TRPM1: variants seen among roughly 807,000 people sequenced by gnomAD.
TRPM1 encodes the protein transient receptor potential cation channel subfamily M member 1.
In TRPM1, 113 loss-of-function variants were observed where a neutral mutation model predicts 149.4. That is an observed-to-expected ratio of 0.76 (90% CI 0.65 to 0.88). The LOEUF is 0.88. Ranked by LOEUF, TRPM1 falls within the 40% of genes least tolerant of loss-of-function variation. TRPM1 has a pLI of 0.00. For synonymous variants in TRPM1, 741 were observed against 759.5 expected (o/e 0.98, Z 0.40); for missense variants, 1,976 against 2,038.7 (o/e 0.97, Z 0.59).
At chr15:31,035,394 C>T (rs1229460465) in intron 21 of TRPM1, 152 bp downstream of exon 21, 4 of 1,129,914 alleles carry the variant, frequency 3.5e-6, no homozygotes, top group Admixed American at 3.6e-5. Context: ...GATCCATCCG[C>T]CTCAGCCTCC....
chr15:31,138,527 G>T, intron 1 of TRPM1, among the ~76,000 whole-genome samples: 1 of 151,156 alleles, frequency 6.6e-6, no homozygotes, highest in East Asian at 1.9e-4. Flanking sequence ...GCTGTGTCGC[G>T]AAGTCAGTTG....
chr15:31,113,352 G>C (rs7173825), intron 1 of TRPM1, among the ~76,000 whole-genome samples: 8,923 of 152,000 alleles, frequency 0.059, 454 homozygotes, highest in African/African-American at 0.12. Context: ...AAAGAGCCAG[G>C]GCCACCATGG....
In TRPM1 at chr15:31,035,643, T is replaced by G. The variant is rs547473643; in HGVS notation, c.2603A>C (p.Asn868Thr). Residue 868 changes from asparagine to threonine, a missense_variant, in exon 21 of 28, where the codon AAC becomes ACC. By Grantham distance (65) the Asn-to-Thr change is moderately conservative. Coordinates refer to ENST00000256552, the MANE Select transcript of TRPM1 (RefSeq NM_001252024.2). ...ISYLGYLLLF[N>T]YVILVRMDGW... ...ATCCATCCGCACCAGGATGACGTAGTTAAACAGCAGCAGGTAGCCCAAGTA... is the reference window on the plus strand; with the variant it reads ...ATCCATCCGCACCAGGATGACGTAGGTAAACAGCAGCAGGTAGCCCAAGTA... 83 of 1,614,202 alleles carry G rather than the reference T, an allele frequency of 5.1e-5. No individual in the cohort carries two copies. The South Asian group carries it at 8.9e-4, about 17-fold the overall frequency.
At chr15:31,009,544 A>G (rs2113946) in intron 27 of TRPM1, among the ~76,000 whole-genome samples, 82,972 of 151,856 alleles carry the variant, frequency 0.55, 23,691 homozygotes, top group African/African-American at 0.69. Flanking sequence ...AGTTAGTCCT[A>G]TTTAGCATTC....
At chr15:31,008,770 T>C (rs2032082510) in intron 27 of TRPM1, among the ~76,000 whole-genome samples, 1 of 152,346 alleles carries the variant, frequency 6.6e-6, no homozygotes, top group Non-Finnish European at 1.5e-5. Flanking sequence ...CATTTCACAG[T>C]ATACATAGCA....
rs768688939 is a variant in TRPM1 at position 31,066,069 on chromosome 15, C to T, written c.790+7G>A. ...CAGGAGGACTGCGTGCCTTTGCCAG[C>T]ACTTACTTGTGTTGATCTTCTGCAG... On this transcript the variant is annotated splice_region_variant and intron_variant, in intron 7 of 27. Transcript: ENST00000256552. The T allele has an allele frequency of 6.2e-7, 1 of 1,613,394 alleles. No individual in the cohort carries two copies. Among genetic ancestry groups the T allele is most frequent in the African/African-American group, 1.3e-5 (1 of 74,936 alleles).
Position 31,111,537 on chromosome 15 carries a change from T to G in TRPM1, c.55-34553A>C, listed in dbSNP as rs199969114. ...AATAATGGCAAGAGATGATTTTGCC[T>G]CAATCTGACTTCAAGCTTCTTTTGT... On this transcript the variant is annotated intron_variant, in intron 1 of 26. Transcript: ENST00000542188. 3.3e-5 allele frequency among the ~76,000 whole-genome samples: 5 copies of G among 152,222 alleles called. No individual in the cohort carries two copies. In the East Asian group the frequency reaches 9.6e-4, roughly 29 times the overall value.
intron 10 of TRPM1, among the ~76,000 whole-genome samples, chr15:31,060,949 AG>A (rs1217483007): frequency 1.3e-5 from 2 of 152,194 alleles, no homozygotes; most frequent in Non-Finnish European, 2.9e-5. Flanking sequence ...TGGGACTGCC[AG>A]GCAGCCAGCC....
chr15:31,159,170 T>C (rs186706291), intron 1 of TRPM1, among the ~76,000 whole-genome samples: 52 of 151,894 alleles, frequency 3.4e-4, no homozygotes, highest in African/African-American at 1.2e-3. Context: ...CGTGTGCGGG[T>C]ATAAAGGAGG....
intron 2 of TRPM1, 125 bp from the exon 3 acceptor site, chr15:31,077,109 G>A (rs546491859): frequency 1.4e-6 from 1 of 700,324 alleles, no homozygotes; most frequent in African/African-American, 1.8e-5. Flanking sequence ...TGCAATAATG[G>A]TGGATGCAAG....
intron 1 of TRPM1, among the ~76,000 whole-genome samples, chr15:31,128,233 A>T (rs2035975552): frequency 6.6e-6 from 1 of 152,184 alleles, no homozygotes; most frequent in East Asian, 1.9e-4. Flanking sequence ...GTATTCAACA[A>T]TCACTATCAA....
intron 25 of TRPM1, among the ~76,000 whole-genome samples, chr15:31,027,393 A>G (rs1360513768): frequency 3.3e-5 from 5 of 152,218 alleles, no homozygotes; most frequent in African/African-American, 1.2e-4. Context: ...TATACTCAGG[A>G]AATTTAATTT....
chr15:31,011,514 T>C (rs1167337170), intron 27 of TRPM1, among the ~76,000 whole-genome samples: 1 of 152,096 alleles, frequency 6.6e-6, no homozygotes, highest in African/African-American at 2.4e-5. Context: ...CCTTAACCTC[T>C]TGAGTGGCTG....
chr15:31,068,135 G>A (rs369188837), intron 4 of TRPM1, 43 bp from the exon 5 acceptor site: 7 of 1,569,958 alleles, frequency 4.5e-6, no homozygotes, highest in Non-Finnish European at 5.3e-6. Flanking sequence ...TCTTGGTTTT[G>A]CTTCTCGTGT....
In TRPM1 at chr15:31,156,617, A is replaced by G. The variant is rs143506476; in HGVS notation, c.54+4289T>C. Among the ~76,000 whole-genome samples the G allele has an allele frequency of 3.3e-4, 50 of 152,240 alleles. No individual in the cohort carries two copies. The East Asian group carries it at 9.4e-3, about 29-fold the overall frequency. On this transcript the variant is annotated intron_variant, in intron 1 of 26. Transcript: ENST00000542188. Reference sequence around the variant, plus strand: ...ACCTGTGGGCCACCCTCCCCACAATATGTCCCCATTTCCAGGCCGAACCAG... The same window carrying G: ...ACCTGTGGGCCACCCTCCCCACAATGTGTCCCCATTTCCAGGCCGAACCAG...
At chr15:31,152,162 C>T (rs982661327) in intron 1 of TRPM1, among the ~76,000 whole-genome samples, 3 of 152,346 alleles carry the variant, frequency 2.0e-5, no homozygotes, top group African/African-American at 7.2e-5. Flanking sequence ...ACCCATCACT[C>T]AGGCCCTGGG....
intron 1 of TRPM1, among the ~76,000 whole-genome samples, chr15:31,151,297 C>G (rs1304264786): frequency 1.3e-5 from 2 of 152,176 alleles, no homozygotes; most frequent in African/African-American, 2.4e-5. Flanking sequence ...CCCAACTGGT[C>G]GGAGATTTTT....
intron 3 of TRPM1, among the ~76,000 whole-genome samples, chr15:31,074,519 G>A (rs2034642487): frequency 6.6e-6 from 1 of 151,970 alleles, no homozygotes; most frequent in African/African-American, 2.4e-5. Context: ...TTTCTATAAG[G>A]TTGGTAGTAA....
At chr15:31,048,388 T>C (rs1230659956) in intron 13 of TRPM1, among the ~76,000 whole-genome samples, 1 of 152,244 alleles carries the variant, frequency 6.6e-6, no homozygotes. Flanking sequence ...CTTTTTCTTT[T>C]ACAAAACAGA....
Sources: gnomAD v4.1 joint callset for allele counts (sites outside exome capture counted in the v4.1 genomes callset) on GRCh38, gnomAD v4.1.1 for gene constraint, MANE v1.5 for transcripts, NCBI Gene and HGNC (gene_info 2026-07-23, HGNC 2026-07-21) for gene names.